Variants in SLC12A6 observed in about 807,000 individuals in gnomAD.
SLC12A6 encodes solute carrier family 12 member 6.
In SLC12A6, 66 loss-of-function variants were observed where a neutral mutation model predicts 135.3. That is an observed-to-expected ratio of 0.49 (90% confidence interval 0.40 to 0.60). The LOEUF is 0.60. Ranked by LOEUF, SLC12A6 falls within the 20% of genes least tolerant of loss-of-function variation. The pLI, the probability that SLC12A6 is intolerant of heterozygous loss-of-function variation, is 0.00. For synonymous variants in SLC12A6, 513 were observed against 508.8 expected, an observed-to-expected ratio of 1.01 and a Z score of -0.11; for missense variants, 1,058 against 1,452.3, an observed-to-expected ratio of 0.73 and a Z score of 4.41.
intron 2 of SLC12A6, among the ~76,000 whole-genome samples, chr15:34,302,532 C>T (rs999236414): frequency 2.6e-5 from 4 of 151,616 alleles, no homozygotes; most frequent in African/African-American, 4.9e-5. Flanking sequence ...CCCATTTCTA[C>T]AAAAATACAA....
rs767126729 is a variant in SLC12A6, at chr15:34,242,210, A to G, written c.2054T>C (p.Phe685Ser). The G allele has an allele frequency of 1.2e-6, 2 of 1,601,434 alleles. No individual in the cohort carries two copies. Among genetic ancestry groups the G allele is most frequent in the South Asian group, 2.2e-5 (2 of 90,836 alleles). The change falls in exon 17 of 26, where the codon TTC (phenylalanine) becomes TCC (serine). Residue 685 changes from phenylalanine (F) to serine (S), a missense_variant. Physicochemically the swap from Phe to Ser is radical, Grantham distance 155. Coordinates refer to ENST00000354181, the MANE Select transcript of SLC12A6 (RefSeq NM_001365088.1). ...AGCCAGACAGATACTCATTCCCATG[A>G]AAGAAAGGGCCCTAGAAAATTAAAA... ...RFRYYHWALS[F>S]MGMSICLALM... is the part of the protein sequence containing the mutation.
At chr15:34,258,714 A>T in intron 5 of SLC12A6, 99 bp downstream of exon 5, 1 of 1,050,430 alleles carries the variant, frequency 9.5e-7, no homozygotes, top group Non-Finnish European at 1.5e-6. Context: ...TCAAGCATTT[A>T]ATAAATAGCT....
intron 3 of SLC12A6, among the ~76,000 whole-genome samples, chr15:34,265,058 G>A (rs915723919): frequency 2.6e-5 from 4 of 152,114 alleles, no homozygotes; most frequent in South Asian, 4.1e-4. Flanking sequence ...TTAGCCGGGC[G>A]TGGTGGCAGC....
chr15:34,306,742 A>G (rs1254924249), intron 2 of SLC12A6, among the ~76,000 whole-genome samples: 1 of 152,234 alleles, frequency 6.6e-6, no homozygotes. Context: ...TTAAAGTGCC[A>G]CTGTAAAGTC....
chr15:34,313,829 A>G (rs1429191995), intron 2 of SLC12A6, among the ~76,000 whole-genome samples: 3 of 151,936 alleles, frequency 2.0e-5, no homozygotes, highest in African/African-American at 7.3e-5. Context: ...ACAACAAGCC[A>G]GGTGTAATGG....
Position 34,232,000 on chromosome 15 carries a change from C to G in SLC12A6, c.*1881G>C, listed in dbSNP as rs1318375694. The G allele has an allele frequency of 6.6e-6, 1 of 152,084 alleles. No individual in the cohort carries two copies. Among genetic ancestry groups the G allele is most frequent in the Non-Finnish European group, 1.5e-5 (1 of 68,038 alleles). The allele number at this position is 152,084 out of a possible 1,614,324, so 9.4% of individuals were successfully genotyped here. A position where few individuals can be genotyped will look rare whatever the true frequency, so the allele number is the denominator to read the frequency against. On this transcript the variant is annotated 3_prime_UTR_variant, in exon 26 of 26. Transcript: ENST00000354181. ...CTTGCTCCATGTCCTATTTAGTAAT[C>G]AAAGAAGAGTGGCACTATTTATGAC...
chr15:34,333,727 CAGAA>C (rs1890016592), intron 2 of SLC12A6, among the ~76,000 whole-genome samples: 2 of 152,226 alleles, frequency 1.3e-5, no homozygotes, highest in South Asian at 4.1e-4. Context: ...GAAAACTACT[CAGAA>C]AGCCAACAGC....
At chr15:34,264,730 T>C (rs1404316169) in intron 3 of SLC12A6, among the ~76,000 whole-genome samples, 1 of 152,124 alleles carries the variant, frequency 6.6e-6, no homozygotes, top group Non-Finnish European at 1.5e-5. Context: ...AGGGAAAAAT[T>C]AGGTAGGGTC....
intron 20 of SLC12A6, chr15:34,238,760 T>C: frequency 1.5e-6 from 1 of 654,040 alleles, no homozygotes; most frequent in Non-Finnish European, 2.7e-6. Context: ...AGCACAAGAC[T>C]TGACAGAAAT....
At chr15:34,246,062 A>G (rs868078586) in intron 13 of SLC12A6, among the ~76,000 whole-genome samples, 195 bp from the exon 14 acceptor site, 1 of 152,068 alleles carries the variant, frequency 6.6e-6, no homozygotes, top group Admixed American at 6.6e-5. Context: ...CTTCCTGAGC[A>G]TCTGAGATCA....
At chr15:34,270,153 G>A (rs1893816044) in intron 3 of SLC12A6, among the ~76,000 whole-genome samples, 1 of 151,790 alleles carries the variant, frequency 6.6e-6, no homozygotes, top group Non-Finnish European at 1.5e-5. Flanking sequence ...TTGTTTTAGA[G>A]ACAGGGTATC....
At chr15:34,282,154 TA>T (rs1246804684) in intron 2 of SLC12A6, among the ~76,000 whole-genome samples, 1 of 152,160 alleles carries the variant, frequency 6.6e-6, no homozygotes, top group Non-Finnish European at 1.5e-5. Context: ...CCTTAGGGCA[TA>T]AGTACACATT....
rs748853627 is a variant in SLC12A6 at position 34,336,661 on chromosome 15, G to A, written c.20C>T (p.Thr7Ile). The A allele has an allele frequency of 5.6e-6, 9 of 1,614,002 alleles. No homozygotes were observed. Among genetic ancestry groups the A allele is most frequent in the South Asian group, 1.1e-5 (1 of 91,088 alleles). The change falls in exon 2 of 26, where the codon ACC becomes ATC. Residue 7 changes from threonine (T) to isoleucine (I), a missense_variant. By Grantham distance (89) the Thr-to-Ile change is moderately conservative. Transcript: ENST00000354181. ...GAACCGAACTGAAGCCATCTTGGTG[G>A]TGGTTTCTGGAGGATGCATTTTGTT... MHPPET[T>I]TKMASVRFMV...
At chr15:34,240,273 T>A (rs1008526999) in intron 19 of SLC12A6, among the ~76,000 whole-genome samples, 3 of 152,196 alleles carry the variant, frequency 2.0e-5, no homozygotes, top group South Asian at 2.1e-4. Flanking sequence ...TTGCTCATGA[T>A]ACCACGTAGA....
chr15:34,250,308 GAAC>G lies in SLC12A6; in HGVS notation c.1636_1638del (p.Val546del). 6.4e-7 allele frequency: 1 copy of G among 1,564,926 alleles called. No individual in the cohort carries two copies. Among genetic ancestry groups the G allele is most frequent in the Non-Finnish European group, 8.8e-7 (1 of 1,135,078 alleles). On this transcript the variant is annotated inframe_deletion, in exon 13 of 26. Coordinates refer to ENST00000354181, the MANE Select transcript of SLC12A6 (RefSeq NM_001365088.1). ...AAATTCATTACTCACTTGTCTCTGA[GAAC>G]AACCCCTTCAATACATGCACCAAAA...
rs1023327361 is a variant in SLC12A6 at position 34,232,719 on chromosome 15, A to G, written c.*1162T>C. The G allele has an allele frequency of 1.3e-5, 2 of 152,576 alleles. No homozygotes were observed. The highest frequency in any genetic ancestry group is 2.4e-5 in the African/African-American group (1 of 41,416). 9.5% of individuals were successfully genotyped at this position (152,576 alleles called of 1,614,324 possible). ...GAGGCAAAAGATTTCTTAGTGGTAA[A>G]ATTTCTTCAACAGGTCAATGCCAAT... is the stretch of plus-strand genomic sequence containing the variant. On this transcript the variant is annotated 3_prime_UTR_variant, in exon 26 of 26. Coordinates refer to ENST00000354181, the MANE Select transcript of SLC12A6 (RefSeq NM_001365088.1).
chr15:34,260,490 C>T (rs773710496), intron 4 of SLC12A6, among the ~76,000 whole-genome samples: 2 of 152,168 alleles, frequency 1.3e-5, no homozygotes, highest in Non-Finnish European at 2.9e-5. Flanking sequence ...GATCTCCTAA[C>T]CTTGTGATCC....
intron 3 of SLC12A6, among the ~76,000 whole-genome samples, chr15:34,265,860 T>C (rs1175980953): frequency 6.6e-6 from 1 of 151,882 alleles, no homozygotes; most frequent in Non-Finnish European, 1.5e-5. Context: ...ACAATATAGC[T>C]AAAGGACAGT....
At chr15:34,259,177 T>C (rs1042105441) in intron 4 of SLC12A6, among the ~76,000 whole-genome samples, 22 of 151,796 alleles carry the variant, frequency 1.4e-4, no homozygotes, top group Admixed American at 1.3e-3. Context: ...CCGTCTCTAC[T>C]AAAAATACAA....
Sources: gnomAD v4.1 joint callset for allele counts (sites outside exome capture counted in the v4.1 genomes callset) on GRCh38, gnomAD v4.1.1 for gene constraint, MANE v1.5 for transcripts, NCBI Gene and HGNC (gene_info 2026-07-23, HGNC 2026-07-21) for gene names.